Variants in TMPRSS11A observed in about 807,000 individuals in gnomAD.
TMPRSS11A encodes the protein transmembrane protease serine 11A.
In TMPRSS11A, 53 loss-of-function variants were observed where a neutral mutation model predicts 58.9. The ratio of observed to expected loss-of-function variants is 0.90; its 90% CI spans 0.72 to 1.13. The LOEUF (loss-of-function observed/expected upper bound fraction) is 1.13. Among genes scored for constraint, TMPRSS11A ranks in the 50% most tolerant of loss-of-function variants. TMPRSS11A has a pLI of 0.00. For synonymous variants in TMPRSS11A, 167 were observed against 169.8 expected (o/e 0.98, Z 0.13); for missense variants, 493 against 499.3 (o/e 0.99, Z 0.12).
chr4:67,948,088 C>A (rs1721069116), intron 1 of TMPRSS11A, among the ~76,000 whole-genome samples: 1 of 150,172 alleles, frequency 6.7e-6, no homozygotes, highest in Non-Finnish European at 1.5e-5. Context: ...TTCATATTTT[C>A]TTCACAGGAT....
chr4:67,937,232 T>A (rs1720775410), intron 3 of TMPRSS11A, among the ~76,000 whole-genome samples: 1 of 152,144 alleles, frequency 6.6e-6, no homozygotes, highest in African/African-American at 2.4e-5. Flanking sequence ...CATCCACACC[T>A]TTCTTCCAAC....
intron 2 of TMPRSS11A, among the ~76,000 whole-genome samples, chr4:67,945,003 G>C (rs77307024): frequency 0.015 from 2,302 of 152,238 alleles, 67 homozygotes; most frequent in African/African-American, 0.053. Flanking sequence ...TCTAGCTGTA[G>C]AGCTTGAACA....
At chr4:67,926,118 A>T (rs1720459826) in intron 5 of TMPRSS11A, among the ~76,000 whole-genome samples, 1 of 152,232 alleles carries the variant, frequency 6.6e-6, no homozygotes, top group Non-Finnish European at 1.5e-5. Context: ...AAGTCATCTG[A>T]CACATAGGCA....
At chr4:67,926,124 A>G (rs1720460011) in intron 5 of TMPRSS11A, among the ~76,000 whole-genome samples, 1 of 152,236 alleles carries the variant, frequency 6.6e-6, no homozygotes, top group Non-Finnish European at 1.5e-5. Context: ...TCTGACACAT[A>G]GGCAGTGAGC....
chr4:67,951,741 T>A (rs1163821006), intron 1 of TMPRSS11A, among the ~76,000 whole-genome samples: 1 of 152,142 alleles, frequency 6.6e-6, no homozygotes, highest in Non-Finnish European at 1.5e-5. Flanking sequence ...TTAAAAGGGA[T>A]TATTGGTCAG....
At chr4:67,921,138 T>G (rs1251093205) in intron 7 of TMPRSS11A, among the ~76,000 whole-genome samples, 1 of 152,164 alleles carries the variant, frequency 6.6e-6, no homozygotes, top group South Asian at 2.1e-4. Context: ...AGTATAGATT[T>G]GGTGTTCAAT....
At chr4:67,916,808 CAG>C (rs1471256421) in intron 8 of TMPRSS11A, among the ~76,000 whole-genome samples, 1 of 151,896 alleles carries the variant, frequency 6.6e-6, no homozygotes, top group East Asian at 1.9e-4. Flanking sequence ...GCCTGGGAGA[CAG>C]AGCGAGACTC....
At chr4:67,942,647 A>G (rs920699477) in intron 3 of TMPRSS11A, among the ~76,000 whole-genome samples, 2 of 152,212 alleles carry the variant, frequency 1.3e-5, no homozygotes, top group Non-Finnish European at 2.9e-5. Flanking sequence ...GTGCACACTG[A>G]GTCAGCCATT....
At chr4:67,917,360 T>C (rs1273032589) in intron 8 of TMPRSS11A, among the ~76,000 whole-genome samples, 1 of 152,194 alleles carries the variant, frequency 6.6e-6, no homozygotes, top group Non-Finnish European at 1.5e-5. Context: ...GATATTCTCT[T>C]TATTTACATA....
In TMPRSS11A at chr4:67,924,118, C is replaced by T; in HGVS notation, c.520+10G>A. The T allele has an allele frequency of 1.2e-6, 2 of 1,611,970 alleles. No homozygotes were observed. The highest frequency in any genetic ancestry group is 1.7e-6 in the Non-Finnish European group (2 of 1,178,202). The stretch of plus-strand genomic sequence containing the variant: ...AATTGAACTTGTTTATATAAGCTAA[C>T]TTGACTTACTTGCTTGGACAGTTAA... On this transcript the variant is annotated intron_variant, in intron 6 of 9. Transcript: ENST00000508048.
chr4:67,946,378 A>T, intron 2 of TMPRSS11A, 72 bp downstream of exon 2: 4 of 1,470,868 alleles, frequency 2.7e-6, no homozygotes, highest in Non-Finnish European at 3.6e-6. Flanking sequence ...ATGAAGTTAC[A>T]TTTACATATA....
rs11286541 is a variant in TMPRSS11A, at chr4:67,924,973, C to CTTTT, written c.482-811_482-808dup. On this transcript the variant is annotated intron_variant, in intron 5 of 9. Coordinates refer to ENST00000508048, the MANE Select transcript of TMPRSS11A (RefSeq NM_001114387.2). ...TATTTACTTCGAATTTCACATAAAT[C>CTTTT]TTTTTTTTTTTTTTTTTGGTTAAAG... is the stretch of plus-strand genomic sequence containing the variant. Among the ~76,000 whole-genome samples the CTTTT allele has an allele frequency of 9.3e-3, 1,289 of 138,300 alleles. 13 individuals are homozygous for CTTTT. The highest frequency in any genetic ancestry group is 0.032 in the African/African-American group (1,220 of 38,012). 90.7% of individuals were successfully genotyped at this position (138,300 alleles called of 152,430 possible).
intron 3 of TMPRSS11A, among the ~76,000 whole-genome samples, chr4:67,934,457 A>G (rs1172662600): frequency 6.6e-6 from 1 of 152,180 alleles, no homozygotes; most frequent in Non-Finnish European, 1.5e-5. Flanking sequence ...AGAAACTTAT[A>G]TATTTAAAGT....
chr4:67,932,157 C>T, intron 3 of TMPRSS11A, 97 bp from the exon 4 acceptor site: 1 of 620,246 alleles, frequency 1.6e-6, no homozygotes. Flanking sequence ...AATTTTTTCA[C>T]AGAACTAACA....
chr4:67,957,345 A>G (rs1284367574), intron 1 of TMPRSS11A, among the ~76,000 whole-genome samples: 1 of 152,220 alleles, frequency 6.6e-6, no homozygotes, highest in Admixed American at 6.5e-5. Context: ...GACTTGTTAA[A>G]TGGCTTTGAC....
At chr4:67,952,061 C>G (rs963729208) in intron 1 of TMPRSS11A, among the ~76,000 whole-genome samples, 7 of 152,158 alleles carry the variant, frequency 4.6e-5, no homozygotes, top group Non-Finnish European at 8.8e-5. Flanking sequence ...TTAGAATGAC[C>G]ATTTAATACC....
At chr4:67,948,320 G>A (rs370716610) in intron 1 of TMPRSS11A, among the ~76,000 whole-genome samples, 6 of 151,758 alleles carry the variant, frequency 4.0e-5, no homozygotes, top group Middle Eastern at 3.4e-3. Context: ...CACCACGCCC[G>A]GCTAATTTTT....
intron 8 of TMPRSS11A, among the ~76,000 whole-genome samples, chr4:67,916,476 C>T (rs903815657): frequency 4.5e-5 from 1 of 22,132 alleles, no homozygotes; most frequent in African/African-American, 1.8e-4. Flanking sequence ...ATATTATACA[C>T]ACACACACAC....
chr4:67,959,679 C>T (rs1248030990), intron 1 of TMPRSS11A, among the ~76,000 whole-genome samples: 1 of 152,152 alleles, frequency 6.6e-6, no homozygotes, highest in African/African-American at 2.4e-5. Flanking sequence ...ACAGCAGTTG[C>T]TGGCAAGGCT....
Sources: gnomAD v4.1 joint callset for allele counts (sites outside exome capture counted in the v4.1 genomes callset) on GRCh38, gnomAD v4.1.1 for gene constraint, MANE v1.5 for transcripts, NCBI Gene and HGNC (gene_info 2026-07-23, HGNC 2026-07-21) for gene names.